The following SRSF12 variants were observed in gnomAD, a reference collection of about 807,000 sequenced individuals.
SRSF12 encodes the protein serine/arginine-rich splicing factor 12.
Under a neutral mutation model 34.1 loss-of-function variants are expected in SRSF12, and 21 were observed. The ratio of observed to expected loss-of-function variants is 0.62; its 90% CI spans 0.44 to 0.89. The LOEUF is 0.89. Among genes scored for constraint, SRSF12 ranks in the 40% least tolerant of loss-of-function variants. The pLI, the probability that SRSF12 is intolerant of heterozygous loss-of-function variation, is 0.00. For synonymous variants in SRSF12, 111 were observed against 110.8 expected, an observed-to-expected ratio of 1.00 and a Z score of -0.01; for missense variants, 278 against 327.8, an observed-to-expected ratio of 0.85 and a Z score of 1.17.
chr6:89,106,874 C>A, intron 2 of SRSF12: 1 of 462,846 alleles, frequency 2.2e-6, no homozygotes. Context: ...TCTTCCAGGT[C>A]TTTATATCTG....
At position 89,098,268 on chromosome 6, in the gene SRSF12, C is replaced by T. The variant is rs1453395086; in HGVS notation, c.*310G>A. 4.2e-6 allele frequency: 1 copy of T among 239,530 alleles called. No homozygotes were observed. Among genetic ancestry groups the T allele is most frequent in the Non-Finnish European group, 8.1e-6 (1 of 122,786 alleles). The allele number at this position is 239,530 out of a possible 1,614,324, so 14.8% of individuals were successfully genotyped here. A position where few individuals can be genotyped will look rare whatever the true frequency, so the allele number is the denominator to read the frequency against. Reference sequence around the variant, plus strand: ...AAAGGTATTATTAATAGTACTAATACTATGCAAGTAGAATTTTAAAAATTA... The same window carrying T: ...AAAGGTATTATTAATAGTACTAATATTATGCAAGTAGAATTTTAAAAATTA... On this transcript the variant is annotated 3_prime_UTR_variant, in exon 5 of 5. Transcript: ENST00000452027.
intron 4 of SRSF12, among the ~76,000 whole-genome samples, chr6:89,102,015 AAAG>A (rs1231852126): frequency 2.6e-5 from 4 of 152,050 alleles, no homozygotes; most frequent in Non-Finnish European, 5.9e-5. Flanking sequence ...AAGAGGAAAA[AAAG>A]AAATACTAAA....
intron 1 of SRSF12, among the ~76,000 whole-genome samples, chr6:89,117,364 T>TA (rs1305951790): frequency 6.6e-6 from 1 of 152,216 alleles, no homozygotes; most frequent in African/African-American, 2.4e-5. Flanking sequence ...CGCATTATGG[T>TA]ACAAAACGTT....
At position 89,095,997 on chromosome 6, in the gene SRSF12, C is replaced by T. The variant is rs990766549; in HGVS notation, c.*2581G>A. The T allele has an allele frequency of 7.2e-5, 11 of 152,152 alleles. No homozygotes were observed. Among genetic ancestry groups the T allele is most frequent in the African/African-American group, 2.7e-4 (11 of 41,438 alleles). 9.4% of individuals were successfully genotyped at this position (152,152 alleles called of 1,614,324 possible). Reference sequence around the variant, plus strand: ...TTTGATTTATTAATAAACAAAGTATCTCTCTTAAATGGGCCAAGAAACAAT... The same window carrying T: ...TTTGATTTATTAATAAACAAAGTATTTCTCTTAAATGGGCCAAGAAACAAT... On this transcript the variant is annotated 3_prime_UTR_variant, in exon 5 of 5. Transcript: ENST00000452027.
intron 2 of SRSF12, 47 bp from the exon 3 acceptor site, chr6:89,105,577 A>G (rs772601317): frequency 4.5e-6 from 6 of 1,345,824 alleles, no homozygotes; most frequent in South Asian, 1.5e-5. Context: ...TCAAGTAAAC[A>G]TATTTTAAAA....
chr6:89,101,008 G>A (rs908418035), intron 4 of SRSF12, among the ~76,000 whole-genome samples: 4 of 151,914 alleles, frequency 2.6e-5, no homozygotes, highest in African/African-American at 9.7e-5. Context: ...AGGAGGCTGA[G>A]GCAAGAGAAT....
chr6:89,098,840 C>T lies in SRSF12; in HGVS notation c.524G>A (p.Gly175Asp), dbSNP rs745603920. Residue 175 changes from glycine (G) to aspartate (D), a missense_variant, in exon 5 of 5, where the codon GGC becomes GAC. By Grantham distance (94) the Gly-to-Asp change is moderately conservative. Coordinates refer to ENST00000452027, the MANE Select transcript of SRSF12 (RefSeq NM_080743.5). ...CTTGGACCTTGACCGTCCTCTAGAG[C>T]CAAAATTCCTTCTTGGAGTTCTTGA... ...RQSRTPRRNF[G>D]SRGRSRSKSL... The T allele has an allele frequency of 2.9e-5, 46 of 1,613,918 alleles. No individual in the cohort carries two copies. The highest frequency in any genetic ancestry group is 3.6e-5 in the Non-Finnish European group (42 of 1,179,892).
intron 1 of SRSF12, among the ~76,000 whole-genome samples, chr6:89,112,620 C>T (rs1236487458): frequency 1.3e-5 from 2 of 151,822 alleles, no homozygotes; most frequent in Non-Finnish European, 2.9e-5. Context: ...CTATGTTGCC[C>T]AGGCTGGCCT....
In SRSF12 at chr6:89,118,045, A is replaced by C. The variant is rs950586964; in HGVS notation, c.-158T>G. On this transcript the variant is annotated 5_prime_UTR_variant, in exon 1 of 5. Transcript: ENST00000452027. ...AGCGCGCAGCCGCAGAGGCCGGCGC[A>C]GAGGGGGCGCAGCGCGGCGCCAGCC... The C allele has an allele frequency of 1.9e-6, 1 of 522,784 alleles. No homozygotes were observed. Among genetic ancestry groups the C allele is most frequent in the Non-Finnish European group, 2.8e-6 (1 of 354,030 alleles). 32.4% of individuals were successfully genotyped at this position (522,784 alleles called of 1,614,324 possible). A position where few individuals can be genotyped will look rare whatever the true frequency, so the allele number is the denominator to read the frequency against.
intron 1 of SRSF12, among the ~76,000 whole-genome samples, chr6:89,115,727 C>T (rs1769263685): frequency 1.3e-5 from 2 of 151,120 alleles, no homozygotes; most frequent in Non-Finnish European, 2.9e-5. Context: ...AGCTCCGCCT[C>T]CCGGGTTCAC....
chr6:89,109,030 T>C (rs1363028681), intron 1 of SRSF12, among the ~76,000 whole-genome samples: 2 of 152,144 alleles, frequency 1.3e-5, no homozygotes, highest in Non-Finnish European at 2.9e-5. Context: ...ATTAAGCAAA[T>C]ACTTATTGAG....
rs145734993 is a variant in SRSF12 at position 89,098,995 on chromosome 6, G to C, written c.417-48C>G. On this transcript the variant is annotated intron_variant, in intron 4 of 4. Transcript: ENST00000452027. ...AGCATATATTTCACACAAAATAAGA[G>C]ATCAGGAAATAACACTTTCAGGAAC... 3 of 1,532,382 alleles carry C rather than the reference G, an allele frequency of 2.0e-6. No individual in the cohort carries two copies. The East Asian group carries it at 6.8e-5, about 35-fold the overall frequency. 94.9% of individuals were successfully genotyped at this position (1,532,382 alleles called of 1,614,324 possible). A position where few individuals can be genotyped will look rare whatever the true frequency, so the allele number is the denominator to read the frequency against.
chr6:89,101,488 G>A (rs1336740421), intron 4 of SRSF12, among the ~76,000 whole-genome samples: 4 of 152,132 alleles, frequency 2.6e-5, no homozygotes, highest in Non-Finnish European at 4.4e-5. Context: ...TTGGGAGGCT[G>A]AGGCAGGTGG....
intron 3 of SRSF12, 22 bp downstream of exon 3, chr6:89,105,405 T>C: frequency 6.3e-7 from 1 of 1,582,246 alleles, no homozygotes; most frequent in Non-Finnish European, 8.6e-7. Flanking sequence ...ATAAATAAAA[T>C]CTAGCATTCA....
At chr6:89,116,844 T>G (rs544545475) in intron 1 of SRSF12, among the ~76,000 whole-genome samples, 70 of 152,020 alleles carry the variant, frequency 4.6e-4, no homozygotes, top group African/African-American at 1.6e-3. Flanking sequence ...TAAATTATAA[T>G]ACTCATCTCA....
At chr6:89,102,677 A>G (rs1768592190) in intron 4 of SRSF12, among the ~76,000 whole-genome samples, 1 of 152,192 alleles carries the variant, frequency 6.6e-6, no homozygotes, top group Admixed American at 6.5e-5. Flanking sequence ...GAACATTTAG[A>G]GTTCTAACAT....
At chr6:89,103,962 C>A (rs1202929406) in intron 4 of SRSF12, among the ~76,000 whole-genome samples, 1 of 150,116 alleles carries the variant, frequency 6.7e-6, no homozygotes, top group African/African-American at 2.4e-5. Flanking sequence ...TTTAGTCAAC[C>A]ACCTTTCACA....
intron 4 of SRSF12, among the ~76,000 whole-genome samples, chr6:89,099,513 TATAC>T (rs1169460953): frequency 1.9e-4 from 10 of 51,462 alleles, no homozygotes; most frequent in African/African-American, 8.0e-4. Context: ...TGTATATATA[TATAC>T]ACACACACAC....
At position 89,097,189 on chromosome 6, in the gene SRSF12, T is replaced by G. The variant is rs1276775343; in HGVS notation, c.*1389A>C. 6.6e-6 allele frequency: 1 copy of G among 152,204 alleles called. No individual in the cohort carries two copies. The highest frequency in any genetic ancestry group is 1.5e-5 in the Non-Finnish European group (1 of 68,036). 9.4% of individuals were successfully genotyped at this position (152,204 alleles called of 1,614,324 possible). A position where few individuals can be genotyped will look rare whatever the true frequency, so the allele number is the denominator to read the frequency against. ...TATACTAAAAATATAAGACAGATTT[T>G]TTTCTTAAACACTCTGGATACAAAT... is the stretch of plus-strand genomic sequence containing the variant. On this transcript the variant is annotated 3_prime_UTR_variant, in exon 5 of 5. Coordinates refer to ENST00000452027, the MANE Select transcript of SRSF12 (RefSeq NM_080743.5).
Sources: allele counts gnomAD v4.1 joint callset (sites outside exome capture counted in the v4.1 genomes callset), GRCh38; gene constraint gnomAD v4.1.1; transcripts MANE v1.5; gene names NCBI Gene and HGNC (gene_info 2026-07-23, HGNC 2026-07-21).